The following KIF23 variants were observed in gnomAD, a reference collection of about 807,000 sequenced individuals.
KIF23 encodes the protein kinesin family member 23.
KIF23 carries 30 observed loss-of-function variants against 137.5 expected under a neutral mutation model. That is an observed-to-expected ratio of 0.22 (90% confidence interval 0.16 to 0.30). The LOEUF (loss-of-function observed/expected upper bound fraction) is 0.30. KIF23 is among the 10% of genes least tolerant of loss of function. The pLI is 1.00. For synonymous variants in KIF23, 367 were observed against 391.1 expected (o/e 0.94, Z 0.73); for missense variants, 920 against 1,194.3 (o/e 0.77, Z 3.38).
rs376569877 is a variant in KIF23 at position 69,440,467 on chromosome 15, G to C, written c.2089G>C (p.Val697Leu). 9.3e-6 allele frequency: 15 copies of C among 1,611,856 alleles called. No individual in the cohort carries two copies. Among genetic ancestry groups the C allele is most frequent in the Non-Finnish European group, 1.2e-5 (14 of 1,179,318 alleles). ...RDREKVTQRS[V>L]SPSPVPLSSN... ...TCGAGAAAAAGTTACTCAAAGATCT[G>C]TTTCTCCATCACCTGTGCCTGTAAG... Residue 697 changes from valine to leucine, a missense_variant, in exon 18 of 24, where the codon GTT (valine) becomes CTT (leucine). Around this residue, in one of 4 missense-constraint regions of KIF23, gnomAD observed 714 missense variants for 866.2 expected, o/e 0.82. Coordinates refer to ENST00000679126, the MANE Select transcript of KIF23 (RefSeq NM_001367805.3).
At chr15:69,441,460 C>T (rs1039053825) in intron 19 of KIF23, among the ~76,000 whole-genome samples, 2 of 152,058 alleles carry the variant, frequency 1.3e-5, no homozygotes, top group African/African-American at 4.8e-5. Flanking sequence ...CCTTTCATGC[C>T]CTAGTTTTAA....
chr15:69,436,215 G>C lies in KIF23; in HGVS notation c.1392G>C (p.Thr464=), dbSNP rs143147168. The C allele has an allele frequency of 6.2e-7, 1 of 1,613,930 alleles. No individual in the cohort carries two copies. Among genetic ancestry groups the C allele is most frequent in the Non-Finnish European group, 8.5e-7 (1 of 1,179,960 alleles). Residue 464 remains threonine, a synonymous_variant, in exon 14 of 24, where the codon ACG becomes ACC. Coordinates refer to ENST00000679126, the MANE Select transcript of KIF23 (RefSeq NM_001367805.3). ...RPVDKAICGL[T]PGRRYRNQPR... The stretch of plus-strand genomic sequence containing the variant: ...TAGACAAGGCAATATGTGGTTTAAC[G>C]CCTGGGAGGAGATACAGAAACCAGC...
chr15:69,435,275 G>T (rs535589704), intron 11 of KIF23, among the ~76,000 whole-genome samples: 1 of 152,140 alleles, frequency 6.6e-6, no homozygotes, highest in Non-Finnish European at 1.5e-5. Flanking sequence ...ATCCCTGAAG[G>T]ATGGCTGTTT....
chr15:69,439,313 CT>C (rs879754770), intron 16 of KIF23, among the ~76,000 whole-genome samples: 118 of 140,058 alleles, frequency 8.4e-4, no homozygotes, highest in African/African-American at 1.4e-3. Flanking sequence ...CCTTAGTATG[CT>C]TTTTTTTTTT....
intron 10 of KIF23, chr15:69,427,300 T>A (rs2057222547): frequency 2.3e-6 from 1 of 427,992 alleles, no homozygotes; most frequent in Admixed American, 2.7e-5. Flanking sequence ...AACTAATCCC[T>A]CGAGGACACC....
chr15:69,434,672 G>C, intron 11 of KIF23: 1 of 1,480,230 alleles, frequency 6.8e-7, no homozygotes, highest in Non-Finnish European at 9.4e-7. Context: ...CTCCTGTCTT[G>C]AGTTCGCCGT....
At chr15:69,430,258 A>G (rs1182565463) in intron 11 of KIF23, among the ~76,000 whole-genome samples, 1 of 152,162 alleles carries the variant, frequency 6.6e-6, no homozygotes, top group African/African-American at 2.4e-5. Flanking sequence ...AATATATCAT[A>G]GTTGTACGTA....
chr15:69,425,294 C>G lies in KIF23; in HGVS notation c.747C>G (p.Cys249Trp), dbSNP rs1030620995. ...FDPIKPKWNS[C>W]STPMRNTDFV... is the part of the protein sequence containing the mutation. ...ATTCCTTTGGTAGGTGGAACAGTTG[C>G]AGCACACCCATGAGGAACACAGATT... Residue 249 changes from cysteine to tryptophan, a missense_variant, in exon 8 of 24, where the codon TGC becomes TGG. By Grantham distance (215) the Cys-to-Trp change is radical. This residue lies in a region of KIF23 where 714 missense variants were observed against 866.2 expected (regional missense o/e 0.82). Transcript: ENST00000679126. 97 of 1,535,812 alleles carry G rather than the reference C, an allele frequency of 6.3e-5. No homozygotes were observed. Among genetic ancestry groups the G allele is most frequent in the Non-Finnish European group, 8.3e-5 (95 of 1,146,798 alleles).
chr15:69,427,365 T>C, intron 10 of KIF23: 1 of 455,418 alleles, frequency 2.2e-6, no homozygotes, highest in South Asian at 1.6e-5. Flanking sequence ...TCCCCATTAT[T>C]ATAGTTTTGG....
In KIF23 at chr15:69,429,250, T is replaced by A; in HGVS notation, c.1114+37T>A. On this transcript the variant is annotated intron_variant, in intron 11 of 23. Coordinates refer to ENST00000679126, the MANE Select transcript of KIF23 (RefSeq NM_001367805.3). ...ATGGTATTTATTTATTGCTACAACT[T>A]TCAGAAACTTGCAATGCCAGTTTAT... The A allele has an allele frequency of 2.1e-6, 3 of 1,442,678 alleles. No individual in the cohort carries two copies. In the South Asian group the frequency reaches 3.7e-5, roughly 18 times the overall value. 89.4% of individuals were successfully genotyped at this position (1,442,678 alleles called of 1,614,324 possible).
chr15:69,421,556 A>C (rs1176722511), intron 3 of KIF23, 91 bp from the exon 4 acceptor site: 5 of 776,872 alleles, frequency 6.4e-6, no homozygotes, highest in Non-Finnish European at 8.8e-6. Context: ...TTAGATCTTA[A>C]ATGTCATAAA....
At chr15:69,443,315 T>C (rs1407455590) in intron 19 of KIF23, among the ~76,000 whole-genome samples, 2 of 150,850 alleles carry the variant, frequency 1.3e-5, no homozygotes, top group Non-Finnish European at 2.9e-5. Flanking sequence ...GCTTTCAGTT[T>C]TGTTTTTTGG....
In KIF23 at chr15:69,438,551, A is replaced by G. The variant is rs1019687371; in HGVS notation, c.1755+146A>G. 17 of 633,228 alleles carry G rather than the reference A, an allele frequency of 2.7e-5. No individual in the cohort carries two copies. In the African/African-American group the frequency reaches 3.0e-4, roughly 11 times the overall value. The allele number at this position is 633,228 out of a possible 1,614,324, so 39.2% of individuals were successfully genotyped here. The stretch of plus-strand genomic sequence containing the variant: ...GGTGGCTCATGCAGGTAATTCCAAC[A>G]CTTTGGGAGGCTGAGGTGGCCAGAT... On this transcript the variant is annotated intron_variant, in intron 16 of 23. Transcript: ENST00000679126.
chr15:69,425,643 A>G (rs1417511551), intron 8 of KIF23, among the ~76,000 whole-genome samples: 1 of 152,148 alleles, frequency 6.6e-6, no homozygotes, highest in Non-Finnish European at 1.5e-5. Flanking sequence ...ACTCTTTCTG[A>G]ATTTGTTTTC....
Position 69,436,808 on chromosome 15 carries a change from G to A in KIF23, c.1597+86G>A, listed in dbSNP as rs145680288. 1.3e-5 allele frequency: 11 copies of A among 836,380 alleles called. 1 individual carries two copies. The highest frequency in any genetic ancestry group is 1.8e-5 in the Non-Finnish European group (11 of 594,714). The allele number at this position is 836,380 out of a possible 1,614,324, so 51.8% of individuals were successfully genotyped here. ...TTCACTCTGTACCCCAGGGTGGAGT[G>A]CAGTGGCACAATCTCGGTTCACTGC... On this transcript the variant is annotated intron_variant, in intron 15 of 23. Transcript: ENST00000679126.
Position 69,429,690 on chromosome 15 carries a change from A to T in KIF23, c.1114+477A>T, listed in dbSNP as rs149943625. On this transcript the variant is annotated intron_variant, in intron 11 of 23. Coordinates refer to ENST00000679126, the MANE Select transcript of KIF23 (RefSeq NM_001367805.3). ...AGTTAGGCTGGTTTGGTATTAATCT[A>T]TTACAATACACTGATTTCTTTAAGA... Among the ~76,000 whole-genome samples the T allele has an allele frequency of 2.0e-4, 30 of 152,260 alleles. No homozygotes were observed. The East Asian group carries it at 5.0e-3, about 25-fold the overall frequency.
In KIF23 at chr15:69,417,490, C is replaced by T. The variant is rs2140311194; in HGVS notation, c.189C>T (p.Asn63=). ...ATACTCCTGAGGGCTACAGACTCAA[C>T]CGAAATGGAGACTATAAGGAGGTAA... ...QLHTPEGYRL[N]RNGDYKETQY... The change falls in exon 3 of 24, where the codon AAC becomes AAT. Residue 63 remains asparagine (N), a synonymous_variant. Coordinates refer to ENST00000679126, the MANE Select transcript of KIF23 (RefSeq NM_001367805.3). 1 of 1,613,572 alleles carries T rather than the reference C, an allele frequency of 6.2e-7. No homozygotes were observed. Among genetic ancestry groups the T allele is most frequent in the East Asian group, 2.2e-5 (1 of 44,844 alleles).
Position 69,426,438 on chromosome 15 carries a change from A to T in KIF23, c.992A>T (p.Asp331Val), listed in dbSNP as rs764081878. ...TTAGTTCAGGCTCCCTTGGATGCAG[A>T]TGGAGACAATGTCTTACAGGTAAAG... ...IKLVQAPLDADGDNVLQEKEQ... is the reference protein window; with the variant it reads ...IKLVQAPLDAVGDNVLQEKEQ... The change falls in exon 10 of 24, where the codon GAT becomes GTT. Residue 331 changes from aspartate (D) to valine (V), a missense_variant. This residue lies in a region of KIF23 where 714 missense variants were observed against 866.2 expected (regional missense o/e 0.82). Transcript: ENST00000679126. 1 of 1,614,168 alleles carries T rather than the reference A, an allele frequency of 6.2e-7. No homozygotes were observed. The highest frequency in any genetic ancestry group is 1.1e-5 in the South Asian group (1 of 91,080).
At chr15:69,424,309 G>A (rs1309794316) in intron 7 of KIF23, among the ~76,000 whole-genome samples, 1 of 152,098 alleles carries the variant, frequency 6.6e-6, no homozygotes, top group East Asian at 1.9e-4. Context: ...GGCTAAGTAA[G>A]CTAAATGTAA....
Sources: gnomAD v4.1 joint callset for allele counts (sites outside exome capture counted in the v4.1 genomes callset) on GRCh38, gnomAD v4.1.1 for gene constraint, gnomAD v4.1.1 regional missense constraint, MANE v1.5 for transcripts, NCBI Gene and HGNC (gene_info 2026-07-23, HGNC 2026-07-21) for gene names.